Variants in PIAS4 observed in about 807,000 individuals in gnomAD.
The protein encoded by PIAS4 is E3 SUMO-protein ligase PIAS4.
PIAS4 carries 7 observed loss-of-function variants against 58.0 expected under a neutral mutation model. The ratio of observed to expected loss-of-function variants is 0.12; its 90% CI spans 0.07 to 0.23. The LOEUF (loss-of-function observed/expected upper bound fraction) is 0.23. Ranked by LOEUF, PIAS4 falls within the 10% of genes least tolerant of loss-of-function variation. The pLI, the probability that PIAS4 is intolerant of heterozygous loss-of-function variation, is 1.00. For missense variants in PIAS4, 550 were observed against 709.5 expected (o/e 0.78, Z 2.55); for synonymous variants, 364 against 312.4 (o/e 1.17, Z -1.74).
In PIAS4 at chr19:4,028,572, A is replaced by G. The variant is rs1451030811; in HGVS notation, c.644A>G (p.Lys215Arg). The G allele has an allele frequency of 2.5e-6, 4 of 1,612,920 alleles. No homozygotes were observed. The highest frequency in any genetic ancestry group is 2.2e-5 in the South Asian group (2 of 91,066). ...EDQYPPNIAV[K>R]VNHSYCSVPG... ...CAGTACCCGCCCAACATCGCTGTGA[A>G]GGTCAACCACAGCTACTGCTCCGTC... Residue 215 changes from lysine (K) to arginine (R), a missense_variant, in exon 5 of 11, where the codon AAG becomes AGG. Physicochemically the swap from Lys to Arg is conservative, Grantham distance 26 (BLOSUM62 2). Coordinates refer to ENST00000262971, the MANE Select transcript of PIAS4 (RefSeq NM_015897.4).
At chr19:4,030,284 T>C (rs1044390351) in intron 7 of PIAS4, among the ~76,000 whole-genome samples, 12 of 146,178 alleles carry the variant, frequency 8.2e-5, no homozygotes, top group Admixed American at 6.7e-4. Context: ...CTTGTAACAA[T>C]GAAAACAATT....
chr19:4,037,249 T>TGG lies in PIAS4; in HGVS notation c.1143-124_1143-123dup, dbSNP rs1179733032. 4 of 1,205,722 alleles carry TGG rather than the reference T, an allele frequency of 3.3e-6. No individual in the cohort carries two copies. Among genetic ancestry groups the TGG allele is most frequent in the Non-Finnish European group, 4.5e-6 (4 of 897,644 alleles). 74.7% of individuals were successfully genotyped at this position (1,205,722 alleles called of 1,614,324 possible). A position where few individuals can be genotyped will look rare whatever the true frequency, so the allele number is the denominator to read the frequency against. ...GGTCCCTGGACCCCTGCGGTCGGGGTGGTGAGGCTGCTCTTGCAGAGAGAA... is the reference window on the plus strand; with the variant it reads ...GGTCCCTGGACCCCTGCGGTCGGGGTGGGGTGAGGCTGCTCTTGCAGAGAGAA... On this transcript the variant is annotated intron_variant, in intron 9 of 10. Coordinates refer to ENST00000262971, the MANE Select transcript of PIAS4 (RefSeq NM_015897.4). The surrounding 1 kb of genome is among the most constrained non-coding windows in gnomAD (Gnocchi z 5.8).
chr19:4,031,404 C>G (rs771392138), intron 7 of PIAS4, among the ~76,000 whole-genome samples: 1 of 152,180 alleles, frequency 6.6e-6, no homozygotes, highest in Non-Finnish European at 1.5e-5. Context: ...CCTCCAGGCT[C>G]GGGGATGGAG....
rs184153898 is a variant in PIAS4 at position 4,027,275 on chromosome 19, A to C, written c.540-871A>C. 1.8e-3 allele frequency among the ~76,000 whole-genome samples: 268 copies of C among 152,316 alleles called. 2 individuals are homozygous for C. The highest frequency in any genetic ancestry group is 6.3e-3 in the African/African-American group (261 of 41,572). ...AGTGCCAGGGTTACTGGCGTGAGCC[A>C]CCTGCCTTGTGTGTCCTTTCGTGTC... is the stretch of plus-strand genomic sequence containing the variant. On this transcript the variant is annotated intron_variant, in intron 3 of 10. Transcript: ENST00000262971.
Position 4,037,540 on chromosome 19 carries a change from G to A in PIAS4, c.1273+36G>A, listed in dbSNP as rs1173844554. 6.2e-7 allele frequency: 1 copy of A among 1,607,794 alleles called. No homozygotes were observed. The highest frequency in any genetic ancestry group is 8.5e-7 in the Non-Finnish European group (1 of 1,179,712). The stretch of plus-strand genomic sequence containing the variant: ...CACCCCACCAGCCGCGCAGTCCGCA[G>A]CCAGGGCCGCCTCAGTTTCCCCATT... On this transcript the variant is annotated intron_variant, in intron 10 of 10. Transcript: ENST00000262971. This position sits in a 1 kb window ranked among gnomAD's most constrained non-coding sequence, Gnocchi z 5.8.
intron 9 of PIAS4, among the ~76,000 whole-genome samples, chr19:4,036,964 T>C (rs2040303896): frequency 6.6e-6 from 1 of 152,108 alleles, no homozygotes; most frequent in South Asian, 2.1e-4. Context: ...CATGCACACG[T>C]GCACACACAC....
chr19:4,036,746 C>T (rs1430174897), intron 9 of PIAS4, among the ~76,000 whole-genome samples: 1 of 149,354 alleles, frequency 6.7e-6, no homozygotes, highest in Non-Finnish European at 1.5e-5. Flanking sequence ...ATCACATGCA[C>T]ACACACATCT....
At chr19:4,016,672 C>T (rs2040056057) in intron 2 of PIAS4, among the ~76,000 whole-genome samples, 1 of 152,152 alleles carries the variant, frequency 6.6e-6, no homozygotes, top group African/African-American at 2.4e-5. Flanking sequence ...GCGTTTCAGT[C>T]CAGACCCGAG....
At chr19:4,028,371 C>A in intron 4 of PIAS4, 139 bp from the exon 5 acceptor site, 2 of 799,658 alleles carry the variant, frequency 2.5e-6, no homozygotes, top group South Asian at 1.6e-5. Flanking sequence ...AGGCCACACC[C>A]GGGGGCCCTG....
intron 1 of PIAS4, 60 bp downstream of exon 1, chr19:4,007,847 GC>G: frequency 8.6e-7 from 1 of 1,168,164 alleles, no homozygotes; most frequent in Non-Finnish European, 1.1e-6. Flanking sequence ...GGGCCGGGCC[GC>G]AGGTCGAGGT....
In PIAS4 at chr19:4,038,186, C is replaced by T. The variant is rs955540414; in HGVS notation, c.*311C>T. On this transcript the variant is annotated 3_prime_UTR_variant, in exon 11 of 11. Coordinates refer to ENST00000262971, the MANE Select transcript of PIAS4 (RefSeq NM_015897.4). This position sits in a 1 kb window ranked among gnomAD's most constrained non-coding sequence, Gnocchi z 4.1. ...GTCCGAGCCGGGAAGGGGTAGTGGG[C>T]GGGAGGGACCAGGACGCCGCCCCGC... is the stretch of plus-strand genomic sequence containing the variant. 1.1e-4 allele frequency: 38 copies of T among 337,014 alleles called. No homozygotes were observed. Among genetic ancestry groups the T allele is most frequent in the Non-Finnish European group, 1.5e-4 (27 of 183,316 alleles). The allele number at this position is 337,014 out of a possible 1,614,324, so 20.9% of individuals were successfully genotyped here.
chr19:4,029,979 T>C (rs1365452281), intron 7 of PIAS4, among the ~76,000 whole-genome samples: 1 of 151,742 alleles, frequency 6.6e-6, no homozygotes, highest in Non-Finnish European at 1.5e-5. Flanking sequence ...TGTGCCACCA[T>C]GCCCGGCTAA....
chr19:4,013,491 C>T lies in PIAS4; in HGVS notation c.454+142C>T. 1 of 696,086 alleles carries T rather than the reference C, an allele frequency of 1.4e-6. No homozygotes were observed. Among genetic ancestry groups the T allele is most frequent in the Non-Finnish European group, 2.4e-6 (1 of 419,226 alleles). The allele number at this position is 696,086 out of a possible 1,614,324, so 43.1% of individuals were successfully genotyped here. On this transcript the variant is annotated intron_variant, in intron 2 of 10. Coordinates refer to ENST00000262971, the MANE Select transcript of PIAS4 (RefSeq NM_015897.4). The surrounding 1 kb of genome is among the most constrained non-coding windows in gnomAD (Gnocchi z 5.1). The stretch of plus-strand genomic sequence containing the variant: ...GGGAGCCACAGTGGCCAGGGGTGTC[C>T]TTCCTCGGAAGCAAAGGGACCATCT...
At chr19:4,014,003 T>A (rs1020527123) in intron 2 of PIAS4, among the ~76,000 whole-genome samples, 10 of 152,028 alleles carry the variant, frequency 6.6e-5, no homozygotes, top group Non-Finnish European at 1.0e-4. Flanking sequence ...CAGGGCCACC[T>A]GGGAGCCTGG....
At chr19:4,025,958 C>T (rs1355224521) in intron 3 of PIAS4, among the ~76,000 whole-genome samples, 2 of 150,470 alleles carry the variant, frequency 1.3e-5, no homozygotes, top group African/African-American at 4.9e-5. Context: ...CCTGTAGTCC[C>T]AGCTACTCGG....
intron 7 of PIAS4, among the ~76,000 whole-genome samples, chr19:4,030,242 C>G (rs538841031): frequency 6.9e-6 from 1 of 144,182 alleles, no homozygotes; most frequent in South Asian, 2.3e-4. Flanking sequence ...GGATTACAGT[C>G]TTGGCCACTT....
In PIAS4 at chr19:4,028,863, G is replaced by A. The variant is rs766521713; in HGVS notation, c.801+15G>A. Reference sequence around the variant, plus strand: ...ACTACGGCAAGGTGAGTGCGTGCCCGGGTGCCCACCCTGCCCCCCAACCCC... The same window carrying A: ...ACTACGGCAAGGTGAGTGCGTGCCCAGGTGCCCACCCTGCCCCCCAACCCC... On this transcript the variant is annotated intron_variant, in intron 6 of 10. Coordinates refer to ENST00000262971, the MANE Select transcript of PIAS4 (RefSeq NM_015897.4). 69 of 1,613,008 alleles carry A rather than the reference G, an allele frequency of 4.3e-5. No homozygotes were observed. The highest frequency in any genetic ancestry group is 6.7e-5 in the East Asian group (3 of 44,884).
intron 2 of PIAS4, among the ~76,000 whole-genome samples, chr19:4,014,458 G>A (rs1000562673): frequency 2.6e-5 from 4 of 152,164 alleles, no homozygotes; most frequent in African/African-American, 9.6e-5. Context: ...GGAGCGGAAC[G>A]TCCTGGGCCT....
intron 3 of PIAS4, 152 bp downstream of exon 3, chr19:4,024,272 C>T (rs567803725): frequency 6.1e-6 from 4 of 652,158 alleles, no homozygotes; most frequent in African/African-American, 1.8e-5. Context: ...GGTTTGCTTC[C>T]TTCCAGAAAA....
Sources: allele counts gnomAD v4.1 joint callset (sites outside exome capture counted in the v4.1 genomes callset), GRCh38; gene constraint gnomAD v4.1.1; non-coding constraint Gnocchi (gnomAD v3.1); transcripts MANE v1.5; gene names NCBI Gene and HGNC (gene_info 2026-07-23, HGNC 2026-07-21).